The following TOP1 variants were observed in gnomAD, a reference collection of about 807,000 sequenced individuals.
TOP1 encodes DNA topoisomerase 1.
In TOP1, 10 loss-of-function variants were observed where a neutral mutation model predicts 111.1. The ratio of observed to expected loss-of-function variants is 0.09; its 90% CI spans 0.06 to 0.15. TOP1 has a LOEUF of 0.15. Ranked by LOEUF, TOP1 falls within the 10% of genes least tolerant of loss-of-function variation. The pLI is 1.00. For missense variants in TOP1, 474 were observed against 926.7 expected, an observed-to-expected ratio of 0.51 and a Z score of 6.34; for synonymous variants, 271 against 302.9, an observed-to-expected ratio of 0.89 and a Z score of 1.10.
At position 41,098,416 on chromosome 20, in the gene TOP1, A is replaced by T. The variant is rs539035517; in HGVS notation, c.975+79A>T. 1,116 of 1,442,212 alleles carry T rather than the reference A, an allele frequency of 7.7e-4. 1 individual carries two copies. The highest frequency in any genetic ancestry group is 1.0e-3 in the Non-Finnish European group (1,066 of 1,044,078). The allele number at this position is 1,442,212 out of a possible 1,614,324, so 89.3% of individuals were successfully genotyped here. ...TTTAACTTTCTTCTTGGTTCTTATG[A>T]CACAACATTAACATCAGTAATTTCA... On this transcript the variant is annotated intron_variant, in intron 11 of 20. Transcript: ENST00000361337. This position sits in a 1 kb window ranked among gnomAD's most constrained non-coding sequence, Gnocchi z 5.7.
At chr20:41,091,593 G>T (rs1284854505) in intron 8 of TOP1, among the ~76,000 whole-genome samples, 1 of 112,944 alleles carries the variant, frequency 8.9e-6, no homozygotes, top group Non-Finnish European at 1.6e-5. Context: ...GTCTCACTCT[G>T]TTGCCCAGGC....
chr20:41,066,704 G>C (rs569104951), intron 3 of TOP1, among the ~76,000 whole-genome samples: 2 of 151,320 alleles, frequency 1.3e-5, no homozygotes, highest in Non-Finnish European at 2.9e-5. Context: ...ACAGGTGCCC[G>C]CCACCATGCC....
rs2034147662 is a variant in TOP1 at position 41,106,502 on chromosome 20, A to G, written c.1308+5149A>G. Among the ~76,000 whole-genome samples the G allele has an allele frequency of 1.3e-5, 2 of 152,236 alleles. No individual in the cohort carries two copies. Among genetic ancestry groups the G allele is most frequent in the African/African-American group, 4.8e-5 (2 of 41,464 alleles). ...ATTAACGGAGAAAGATATTGACAAT[A>G]CAATTGAGTTTCCAATTCACGAACA... On this transcript the variant is annotated intron_variant, in intron 13 of 20. Coordinates refer to ENST00000361337, the MANE Select transcript of TOP1 (RefSeq NM_003286.4). This position sits in a 1 kb window ranked among gnomAD's most constrained non-coding sequence, Gnocchi z 4.3.
chr20:41,066,594 G>A (rs547779244), intron 3 of TOP1, among the ~76,000 whole-genome samples: 1 of 134,248 alleles, frequency 7.4e-6, no homozygotes, highest in Admixed American at 8.6e-5. Context: ...TTGCTCTGTC[G>A]CCCAGGCTGG....
Position 41,118,224 on chromosome 20 carries a change from T to C in TOP1, c.1878T>C (p.Val626=). ...CTTATAACCGTGCCAATCGAGCTGT[T>C]GCAATTCTTTGTAACCATCAGAGGG... ...ILSYNRANRA[V]AILCNHQRAP... is the part of the protein sequence containing the mutation. The change falls in exon 18 of 21, where the codon GTT becomes GTC. Residue 626 remains valine (V), a synonymous_variant. Coordinates refer to ENST00000361337, the MANE Select transcript of TOP1 (RefSeq NM_003286.4). This position sits in a 1 kb window ranked among gnomAD's most constrained non-coding sequence, Gnocchi z 4.6. 1 of 1,614,190 alleles carries C rather than the reference T, an allele frequency of 6.2e-7. No individual in the cohort carries two copies.
chr20:41,097,126 C>CA lies in TOP1; in HGVS notation c.731-91dup. On this transcript the variant is annotated intron_variant, in intron 9 of 20. Coordinates refer to ENST00000361337, the MANE Select transcript of TOP1 (RefSeq NM_003286.4). The surrounding 1 kb of genome is among the most constrained non-coding windows in gnomAD (Gnocchi z 4.2). ...CAGACCTTTATATACCATGAGAAGG[C>CA]AAACCATTATTAAAGAGAATTCGCT... 2 of 1,413,652 alleles carry CA rather than the reference C, an allele frequency of 1.4e-6. No homozygotes were observed. Among genetic ancestry groups the CA allele is most frequent in the South Asian group, 1.3e-5 (1 of 74,634 alleles). 87.6% of individuals were successfully genotyped at this position (1,413,652 alleles called of 1,614,324 possible).
In TOP1 at chr20:41,032,685, G is replaced by C. The variant is rs568754705; in HGVS notation, c.58+3230G>C. Among the ~76,000 whole-genome samples, 10 of 152,322 alleles carry C rather than the reference G, an allele frequency of 6.6e-5. No individual in the cohort carries two copies. The East Asian group carries it at 1.9e-3, about 29-fold the overall frequency. On this transcript the variant is annotated intron_variant, in intron 2 of 20. Transcript: ENST00000361337. The surrounding 1 kb of genome is among the most constrained non-coding windows in gnomAD (Gnocchi z 4.3). The stretch of plus-strand genomic sequence containing the variant: ...GAAGTGATATATAGGATCATGGTTT[G>C]ACATCATCTTGTGCTGATTCTGGTT...
In TOP1 at chr20:41,112,762, T is replaced by C. The variant is rs2034263350; in HGVS notation, c.1309-20T>C. On this transcript the variant is annotated intron_variant, in intron 13 of 20. Coordinates refer to ENST00000361337, the MANE Select transcript of TOP1 (RefSeq NM_003286.4). This position sits in a 1 kb window ranked among gnomAD's most constrained non-coding sequence, Gnocchi z 5.8. ...TACACTGTCCCAAAGTAATCTACAT[T>C]TGGGTTTGGGTCTTTACAGGGTGAG... 6.2e-7 allele frequency: 1 copy of C among 1,613,550 alleles called. No individual in the cohort carries two copies. Among genetic ancestry groups the C allele is most frequent in the East Asian group, 2.2e-5 (1 of 44,880 alleles).
chr20:41,115,327 AT>A lies in TOP1; in HGVS notation c.1639-37del. On this transcript the variant is annotated intron_variant, in intron 15 of 20. Transcript: ENST00000361337. This position sits in a 1 kb window ranked among gnomAD's most constrained non-coding sequence, Gnocchi z 6.3. Reference sequence around the variant, plus strand: ...GTTTGGGGTTATTTCTAAAGTTAGGATTTTTTTCAAGAGTAATAATTAGGAT... The same window carrying A: ...GTTTGGGGTTATTTCTAAAGTTAGGATTTTTTCAAGAGTAATAATTAGGAT... The A allele has an allele frequency of 7.0e-7, 1 of 1,433,216 alleles. No individual in the cohort carries two copies. Among genetic ancestry groups the A allele is most frequent in the Non-Finnish European group, 9.8e-7 (1 of 1,022,606 alleles). 88.8% of individuals were successfully genotyped at this position (1,433,216 alleles called of 1,614,324 possible).
intron 18 of TOP1, among the ~76,000 whole-genome samples, chr20:41,119,544 G>A (rs2034389027): frequency 6.6e-6 from 1 of 152,190 alleles, no homozygotes; most frequent in Admixed American, 6.5e-5. Context: ...TTCTATACTT[G>A]TACAACTGGA....
chr20:41,117,259 C>T (rs2034344572), intron 17 of TOP1, among the ~76,000 whole-genome samples: 1 of 151,698 alleles, frequency 6.6e-6, no homozygotes, highest in Non-Finnish European at 1.5e-5. Flanking sequence ...AGGCTGAGCC[C>T]AGGAGTTTAG....
chr20:41,081,055 AACAGTGATT>A (rs2033783028), intron 6 of TOP1, 101 bp from the exon 7 acceptor site: 3 of 917,088 alleles, frequency 3.3e-6, no homozygotes, highest in Admixed American at 6.1e-5. Flanking sequence ...AGCCAAGAAT[AACAGTGATT>A]ACTCTTGCCA....
chr20:41,085,845 A>G (rs532283541), intron 8 of TOP1, among the ~76,000 whole-genome samples: 3 of 152,356 alleles, frequency 2.0e-5, no homozygotes, highest in East Asian at 1.9e-4. Flanking sequence ...AGTGGCAGAA[A>G]TGTGGCCACA....
In TOP1 at chr20:41,044,366, T is replaced by C. The variant is rs377626841; in HGVS notation, c.58+14911T>C. ...GAGATAAGTAAAAAAATTCCAGTGT[T>C]GTCTTCTATTAAGAGAGCAAAGGTA... On this transcript the variant is annotated intron_variant, in intron 2 of 20. Coordinates refer to ENST00000361337, the MANE Select transcript of TOP1 (RefSeq NM_003286.4). Among the ~76,000 whole-genome samples, 9 of 152,264 alleles carry C rather than the reference T, an allele frequency of 5.9e-5. No homozygotes were observed. In the East Asian group the frequency reaches 1.5e-3, roughly 26 times the overall value.
rs2034333262 is a variant in TOP1 at position 41,116,537 on chromosome 20, A to G, written c.1822+145A>G. 5.0e-5 allele frequency: 30 copies of G among 604,670 alleles called. No individual in the cohort carries two copies. The highest frequency in any genetic ancestry group is 2.7e-5 in the Non-Finnish European group (9 of 338,772). The allele number at this position is 604,670 out of a possible 1,614,324, so 37.5% of individuals were successfully genotyped here. ...TTCCCTTTAGACCTCTAGTAGCGAG[A>G]TAATGCTTTGTTGTATAAACATAGG... On this transcript the variant is annotated intron_variant, in intron 17 of 20. Coordinates refer to ENST00000361337, the MANE Select transcript of TOP1 (RefSeq NM_003286.4). The surrounding 1 kb of genome is among the most constrained non-coding windows in gnomAD (Gnocchi z 5.6).
chr20:41,038,780 G>C (rs1454061158), intron 2 of TOP1, among the ~76,000 whole-genome samples: 3 of 152,108 alleles, frequency 2.0e-5, no homozygotes, highest in Non-Finnish European at 4.4e-5. Flanking sequence ...GAGCCCAGGA[G>C]TTCAAGATCA....
At chr20:41,085,164 C>G (rs1000483877) in intron 8 of TOP1, among the ~76,000 whole-genome samples, 3 of 146,528 alleles carry the variant, frequency 2.0e-5, no homozygotes, top group Non-Finnish European at 1.5e-5. Flanking sequence ...TCTTTTAAAA[C>G]AAATATGAAA....
chr20:41,029,938 T>C lies in TOP1; in HGVS notation c.58+483T>C, dbSNP rs1021628449. Among the ~76,000 whole-genome samples, 4 of 152,264 alleles carry C rather than the reference T, an allele frequency of 2.6e-5. No individual in the cohort carries two copies. Among genetic ancestry groups the C allele is most frequent in the Admixed American group, 1.3e-4 (2 of 15,294 alleles). Reference sequence around the variant, plus strand: ...GCTGGGGGACTGAATTATTATTTTTTAAACTTTATTTTGGGGGTTATTCCC... The same window carrying C: ...GCTGGGGGACTGAATTATTATTTTTCAAACTTTATTTTGGGGGTTATTCCC... On this transcript the variant is annotated intron_variant, in intron 2 of 20. Transcript: ENST00000361337. The surrounding 1 kb of genome is among the most constrained non-coding windows in gnomAD (Gnocchi z 6.1).
rs957414476 is a variant in TOP1 at position 41,058,219 on chromosome 20, G to T, written c.59-3175G>T. ...TGACACATGTGGCTTCTTTTGCTGT[G>T]AGCCAGTCATGGGATGAAGACACAT... On this transcript the variant is annotated intron_variant, in intron 2 of 20. Coordinates refer to ENST00000361337, the MANE Select transcript of TOP1 (RefSeq NM_003286.4). The surrounding 1 kb of genome is among the most constrained non-coding windows in gnomAD (Gnocchi z 4.2). Among the ~76,000 whole-genome samples the T allele has an allele frequency of 1.3e-5, 2 of 152,186 alleles. No individual in the cohort carries two copies. The highest frequency in any genetic ancestry group is 3.8e-4 in the East Asian group (2 of 5,200).
Sources: gnomAD v4.1 joint callset for allele counts (sites outside exome capture counted in the v4.1 genomes callset) on GRCh38, gnomAD v4.1.1 for gene constraint, Gnocchi (gnomAD v3.1) non-coding constraint, MANE v1.5 for transcripts, NCBI Gene and HGNC (gene_info 2026-07-23, HGNC 2026-07-21) for gene names.